OR9K2: variants seen among roughly 807,000 people sequenced by gnomAD.
OR9K2 encodes olfactory receptor family 9 subfamily K member 2.
A neutral mutation model predicts 12.4 loss-of-function variants in OR9K2; 16 were observed. That is an observed-to-expected ratio of 1.29 (90% CI 0.87 to 1.95). The LOEUF (loss-of-function observed/expected upper bound fraction) is 1.95, where lower values mean the gene tolerates loss of function less well. Ranked by LOEUF, OR9K2 falls within the 30% of genes most tolerant of loss-of-function variation. The probability of loss-of-function intolerance (pLI) is 0.00; values close to 1 mark genes in which losing one functional copy is unlikely to be tolerated. For synonymous variants in OR9K2, 133 were observed against 133.2 expected (o/e 1.00, Z 0.01); for missense variants, 434 against 376.5 (o/e 1.15, Z -1.26).
Position 55,130,238 on chromosome 12 carries a change from A to C in OR9K2, c.404A>C (p.Tyr135Ser). The C allele has an allele frequency of 6.2e-7, 1 of 1,613,602 alleles. No individual in the cohort carries two copies. Among genetic ancestry groups the C allele is most frequent in the Non-Finnish European group, 8.5e-7 (1 of 1,179,888 alleles). ...RFIAICNPLL[Y>S]SVQMSTRLCT... is the part of the protein sequence containing the mutation. Reference sequence around the variant, plus strand: ...ATTGCCATCTGCAACCCTCTGCTCTACTCTGTTCAAATGTCCACACGTCTG... The same window carrying C: ...ATTGCCATCTGCAACCCTCTGCTCTCCTCTGTTCAAATGTCCACACGTCTG... The change falls in exon 3 of 3, where the codon TAC (tyrosine) becomes TCC (serine). Residue 135 changes from tyrosine to serine, a missense_variant. Transcript: ENST00000641329.
chr12:55,130,684 C>A lies in OR9K2; in HGVS notation c.850C>A (p.Pro284Thr). The change falls in exon 3 of 3, where the codon CCC (proline) becomes ACC (threonine). Residue 284 changes from proline (P) to threonine (T), a missense_variant. Pro to Thr is a conservative substitution (Grantham distance 38). Transcript: ENST00000641329. The stretch of plus-strand genomic sequence containing the variant: ...ATCCTTATGTTACTCCCTAGTCACT[C>A]CCATGTTGAATCCTTTGATTTACTC... ...VASLCYSLVT[P>T]MLNPLIYSLR... is the part of the protein sequence containing the mutation. The A allele has an allele frequency of 6.2e-7, 1 of 1,611,744 alleles. No homozygotes were observed. Among genetic ancestry groups the A allele is most frequent in the Non-Finnish European group, 8.5e-7 (1 of 1,178,012 alleles).
intron 2 of OR9K2, among the ~76,000 whole-genome samples, chr12:55,128,647 A>AT: frequency 6.6e-6 from 1 of 152,188 alleles, no homozygotes; most frequent in East Asian, 1.9e-4. Flanking sequence ...TGCCATATAC[A>AT]TATTTGTTAT....
rs2136279058 is a variant in OR9K2 at position 55,130,544 on chromosome 12, A to G, written c.710A>G (p.His237Arg). 1 of 1,613,870 alleles carries G rather than the reference A, an allele frequency of 6.2e-7. No homozygotes were observed. Among genetic ancestry groups the G allele is most frequent in the Non-Finnish European group, 8.5e-7 (1 of 1,179,814 alleles). Reference protein sequence around the residue: ...TVLKIHSTEGHKKAFSTCSSH... With the variant: ...TVLKIHSTEGRKKAFSTCSSH... The stretch of plus-strand genomic sequence containing the variant: ...CTAAAGATACATTCTACTGAGGGAC[A>G]TAAGAAGGCCTTCTCCACCTGCAGC... Residue 237 changes from histidine to arginine, a missense_variant, in exon 3 of 3, where the codon CAT becomes CGT. Physicochemically the swap from His to Arg is conservative, Grantham distance 29 (BLOSUM62 0). Transcript: ENST00000641329.
rs910052533 is a variant in OR9K2 at position 55,130,849 on chromosome 12, T to G, written c.*73T>G. The G allele has an allele frequency of 4.7e-6, 4 of 854,516 alleles. No individual in the cohort carries two copies. The African/African-American group carries it at 5.1e-5, about 11-fold the overall frequency. 52.9% of individuals were successfully genotyped at this position (854,516 alleles called of 1,614,324 possible). A position where few individuals can be genotyped will look rare whatever the true frequency, so the allele number is the denominator to read the frequency against. ...ACCTGTGTTCATTAATAAAAGTTAC[T>G]CTCCCGAATGTCATAAAAATACTCT... On this transcript the variant is annotated 3_prime_UTR_variant, in exon 3 of 3. Coordinates refer to ENST00000641329, the MANE Select transcript of OR9K2 (RefSeq NM_001005243.2).
rs1434198146 is a variant in OR9K2, at chr12:55,130,152, C to T, written c.318C>T (p.Leu106=). The change falls in exon 3 of 3, where the codon CTC becomes CTT. Residue 106 remains leucine (L), a synonymous_variant. Transcript: ENST00000641329. The stretch of plus-strand genomic sequence containing the variant: ...CAGGCTGTGTGGCCCAGCTCTTTCT[C>T]TTTGCCCTCCTCATTGTGACTGAGG... The part of the protein sequence containing the change: ...SFAGCVAQLF[L]FALLIVTEGF... The T allele has an allele frequency of 6.2e-7, 1 of 1,613,894 alleles. No homozygotes were observed. Among genetic ancestry groups the T allele is most frequent in the East Asian group, 2.2e-5 (1 of 44,894 alleles).
rs2136278412 is a variant in OR9K2, at chr12:55,129,434, T to A, written c.-9-392T>A. Reference sequence around the variant, plus strand: ...CAAATATCTCCCAACCCAAACTAACTAATGTGCTTCCCAAAGTCGTTTTTA... The same window carrying A: ...CAAATATCTCCCAACCCAAACTAACAAATGTGCTTCCCAAAGTCGTTTTTA... On this transcript the variant is annotated intron_variant, in intron 2 of 2. Coordinates refer to ENST00000641329, the MANE Select transcript of OR9K2 (RefSeq NM_001005243.2). 1.3e-5 allele frequency among the ~76,000 whole-genome samples: 2 copies of A among 152,266 alleles called. 1 individual carries two copies. Among genetic ancestry groups the A allele is most frequent in the Admixed American group, 1.3e-4 (2 of 15,284 alleles).
rs1953462977 is a variant in OR9K2 at position 55,130,336 on chromosome 12, AC to A, written c.503del (p.Thr168IlefsTer33). 1 of 1,613,942 alleles carries A rather than the reference AC, an allele frequency of 6.2e-7. No homozygotes were observed. The highest frequency in any genetic ancestry group is 8.5e-7 in the Non-Finnish European group (1 of 1,179,968). On this transcript the variant is annotated frameshift_variant, in exon 3 of 3. Transcript: ENST00000641329. LOFTEE classifies it high-confidence loss of function. ...SSVIQTSMTF[T>X]LSFCASRAVD... ...AGTTATTCAGACTAGCATGACATTT[AC>A]TTTATCTTTTTGCGCTTCTCGGGCT...
chr12:55,130,341 A>G lies in OR9K2; in HGVS notation c.507A>G (p.Leu169=). 6.2e-7 allele frequency: 1 copy of G among 1,613,592 alleles called. No homozygotes were observed. Among genetic ancestry groups the G allele is most frequent in the Non-Finnish European group, 8.5e-7 (1 of 1,179,852 alleles). The change falls in exon 3 of 3, where the codon TTA becomes TTG. Residue 169 remains leucine (L), a synonymous_variant. Transcript: ENST00000641329. The stretch of plus-strand genomic sequence containing the variant: ...TTCAGACTAGCATGACATTTACTTT[A>G]TCTTTTTGCGCTTCTCGGGCTGTTG... The part of the protein sequence containing the change: ...SVIQTSMTFT[L]SFCASRAVDH...
Position 55,130,172 on chromosome 12 carries a change from C to T in OR9K2, c.338C>T (p.Thr113Ile), listed in dbSNP as rs1478272737. The change falls in exon 3 of 3, where the codon ACT (threonine) becomes ATT (isoleucine). Residue 113 changes from threonine to isoleucine, a missense_variant. By Grantham distance (89) the Thr-to-Ile change is moderately conservative (BLOSUM62 -1). Coordinates refer to ENST00000641329, the MANE Select transcript of OR9K2 (RefSeq NM_001005243.2). The part of the protein sequence containing the change: ...QLFLFALLIV[T>I]EGFLLAAMAY... ...TTTCTCTTTGCCCTCCTCATTGTGA[C>T]TGAGGGATTTCTCCTGGCGGCCATG... 4 of 1,614,096 alleles carry T rather than the reference C, an allele frequency of 2.5e-6. No homozygotes were observed. The South Asian group carries it at 4.4e-5, about 18-fold the overall frequency.
At chr12:55,127,337 T>C (rs1042364876) in intron 2 of OR9K2, among the ~76,000 whole-genome samples, 1 of 151,736 alleles carries the variant, frequency 6.6e-6, no homozygotes, top group African/African-American at 2.4e-5. Context: ...ATTAAAATAA[T>C]CTGTTTTGCT....
intron 2 of OR9K2, among the ~76,000 whole-genome samples, chr12:55,128,367 G>T (rs1953442873): frequency 6.6e-6 from 1 of 151,218 alleles, no homozygotes; most frequent in Non-Finnish European, 1.5e-5. Flanking sequence ...GTAAGGTAGG[G>T]GAACAGGAAG....
In OR9K2 at chr12:55,129,373, A is replaced by T. The variant is rs190871389; in HGVS notation, c.-9-453A>T. Among the ~76,000 whole-genome samples the T allele has an allele frequency of 1.3e-4, 20 of 152,058 alleles. No homozygotes were observed. In the East Asian group the frequency reaches 3.5e-3, roughly 27 times the overall value. On this transcript the variant is annotated intron_variant, in intron 2 of 2. Transcript: ENST00000641329. Reference sequence around the variant, plus strand: ...TTTATATTTGTTGGTACTCCAAATTAAGTCTCTGTTTTCCTAAACTTGGCT... The same window carrying T: ...TTTATATTTGTTGGTACTCCAAATTTAGTCTCTGTTTTCCTAAACTTGGCT...
At position 55,130,183 on chromosome 12, in the gene OR9K2, C is replaced by G; in HGVS notation, c.349C>G (p.Leu117Val). ...FALLIVTEGF[L>V]LAAMAYDRFI... is the part of the protein sequence containing the mutation. ...CCTCCTCATTGTGACTGAGGGATTT[C>G]TCCTGGCGGCCATGGCTTATGACCG... The change falls in exon 3 of 3, where the codon CTC (leucine) becomes GTC (valine). Residue 117 changes from leucine to valine, a missense_variant. Leu to Val is a conservative substitution (Grantham distance 32, BLOSUM62 1). Transcript: ENST00000641329. 1 of 1,614,090 alleles carries G rather than the reference C, an allele frequency of 6.2e-7. No homozygotes were observed. The highest frequency in any genetic ancestry group is 8.5e-7 in the Non-Finnish European group (1 of 1,180,008).
chr12:55,127,424 G>A (rs145255054), intron 2 of OR9K2, among the ~76,000 whole-genome samples: 3 of 151,970 alleles, frequency 2.0e-5, no homozygotes, highest in African/African-American at 7.2e-5. Flanking sequence ...ACTTCAGTCA[G>A]CTTTCTTTCA....
chr12:55,128,759 A>G (rs924763214), intron 2 of OR9K2, among the ~76,000 whole-genome samples: 2 of 152,164 alleles, frequency 1.3e-5, no homozygotes, highest in African/African-American at 2.4e-5. Flanking sequence ...TTGAGCAGTA[A>G]TGAGTTAATA....
At chr12:55,127,506 C>T (rs558598823) in intron 2 of OR9K2, among the ~76,000 whole-genome samples, 2 of 152,066 alleles carry the variant, frequency 1.3e-5, no homozygotes, top group South Asian at 2.1e-4. Context: ...TTCTTAATTA[C>T]TTACATATTT....
rs1378462886 is a variant in OR9K2, at chr12:55,132,287, C to T, written c.*1511C>T. The stretch of plus-strand genomic sequence containing the variant: ...TGTTATGGGTTGAATGGTATTCCCT[C>T]AAAATTCATGTGTTGAAGCCCTAAA... On this transcript the variant is annotated 3_prime_UTR_variant, in exon 3 of 3. Transcript: ENST00000641329. The T allele has an allele frequency of 6.6e-6, 1 of 152,170 alleles. No homozygotes were observed. Among genetic ancestry groups the T allele is most frequent in the Non-Finnish European group, 1.5e-5 (1 of 68,028 alleles). 9.4% of individuals were successfully genotyped at this position (152,170 alleles called of 1,614,324 possible). A position where few individuals can be genotyped will look rare whatever the true frequency, so the allele number is the denominator to read the frequency against.
rs1953482693 is a variant in OR9K2 at position 55,132,614 on chromosome 12, T to G, written c.*1838T>G. 1 of 152,228 alleles carries G rather than the reference T, an allele frequency of 6.6e-6. No homozygotes were observed. The highest frequency in any genetic ancestry group is 2.4e-5 in the African/African-American group (1 of 41,464). The allele number at this position is 152,228 out of a possible 1,614,324, so 9.4% of individuals were successfully genotyped here. On this transcript the variant is annotated 3_prime_UTR_variant, in exon 3 of 3. Transcript: ENST00000641329. Reference sequence around the variant, plus strand: ...CACTAAGAAAATTAATTTCTGTTGTTTAAGAACCCAGTGTGTGGTGTTTTG... The same window carrying G: ...CACTAAGAAAATTAATTTCTGTTGTGTAAGAACCCAGTGTGTGGTGTTTTG...
chr12:55,128,149 A>G (rs916150930), intron 2 of OR9K2, among the ~76,000 whole-genome samples: 1 of 151,956 alleles, frequency 6.6e-6, no homozygotes, highest in African/African-American at 2.4e-5. Context: ...ACATAACGTT[A>G]TGCTGACAAT....
Sources: allele counts gnomAD v4.1 joint callset (sites outside exome capture counted in the v4.1 genomes callset), GRCh38; gene constraint gnomAD v4.1.1; transcripts MANE v1.5; gene names NCBI Gene and HGNC (gene_info 2026-07-23, HGNC 2026-07-21).